Variants in HELZ observed in about 807,000 individuals in gnomAD.
The protein encoded by HELZ is ATP-dependent RNA helicase with zinc finger domain.
A neutral mutation model predicts 218.2 loss-of-function variants in HELZ; 23 were observed. That is an observed-to-expected ratio of 0.11 (90% CI 0.08 to 0.15). HELZ has a LOEUF of 0.15. Among genes scored for constraint, HELZ ranks in the 10% least tolerant of loss-of-function variants. The pLI is 1.00. For missense variants in HELZ, 1,813 were observed against 2,353.7 expected, an observed-to-expected ratio of 0.77 and a Z score of 4.75; for synonymous variants, 814 against 829.4, an observed-to-expected ratio of 0.98 and a Z score of 0.32.
chr17:67,224,033 C>A (rs1046615725), intron 3 of HELZ, among the ~76,000 whole-genome samples: 2 of 152,194 alleles, frequency 1.3e-5, no homozygotes, highest in Non-Finnish European at 2.9e-5. Flanking sequence ...TTCGAGAATT[C>A]ACCTCTCCCC....
At chr17:67,160,509 C>G in intron 16 of HELZ, 147 bp from the exon 17 acceptor site, 1 of 586,500 alleles carries the variant, frequency 1.7e-6, no homozygotes, top group Non-Finnish European at 3.0e-6. Flanking sequence ...TTCAGTGATA[C>G]CTTTAGGAAA....
Position 67,109,334 on chromosome 17 carries a change from T to C in HELZ, c.4271A>G (p.Gln1424Arg). The C allele has an allele frequency of 6.2e-7, 1 of 1,614,148 alleles. No individual in the cohort carries two copies. ...AAAAAAAGCATTGTTGGGTCCCGCC[T>C]GATATGCAGGAGAAAGCTGAGGAGG... is the stretch of plus-strand genomic sequence containing the variant. ...QPPPQLSPAY[Q>R]AGPNNAFFNS... Residue 1424 changes from glutamine (Q) to arginine (R), a missense_variant, in exon 29 of 33, where the codon CAG becomes CGG. By Grantham distance (43) the Gln-to-Arg change is conservative (BLOSUM62 1). Coordinates refer to ENST00000358691, the MANE Select transcript of HELZ (RefSeq NM_014877.4).
intron 28 of HELZ, among the ~76,000 whole-genome samples, chr17:67,112,796 T>G (rs1225894911): frequency 1.3e-5 from 2 of 152,166 alleles, no homozygotes; most frequent in Non-Finnish European, 1.5e-5. Flanking sequence ...AAATCCCAGC[T>G]TAAGGACTAG....
intron 6 of HELZ, among the ~76,000 whole-genome samples, chr17:67,201,817 T>C (rs908050445): frequency 6.6e-6 from 1 of 152,182 alleles, no homozygotes; most frequent in Non-Finnish European, 1.5e-5. Flanking sequence ...TATTATCTAC[T>C]TAGAACTAAA....
At chr17:67,132,872 G>C (rs2038030385) in intron 23 of HELZ, among the ~76,000 whole-genome samples, 1 of 152,046 alleles carries the variant, frequency 6.6e-6, no homozygotes. Context: ...GAATATATTA[G>C]TTTTTTTGAA....
At chr17:67,089,668 T>TATATATATATAG (rs71293575) in intron 31 of HELZ, among the ~76,000 whole-genome samples, 11 of 70,630 alleles carry the variant, frequency 1.6e-4, no homozygotes, top group African/African-American at 3.6e-4. Flanking sequence ...TATATATATA[T>TATATATATATAG]AGAGAGAGAG....
intron 21 of HELZ, among the ~76,000 whole-genome samples, chr17:67,138,372 T>G (rs1411000206): frequency 6.6e-6 from 1 of 152,196 alleles, no homozygotes; most frequent in South Asian, 2.1e-4. Flanking sequence ...GACAATGCTA[T>G]TGGCCCCCAA....
intron 1 of HELZ, 199 bp downstream of exon 1, chr17:67,244,949 A>G: frequency 1.0e-6 from 1 of 985,790 alleles, no homozygotes; most frequent in Non-Finnish European, 1.2e-6. Context: ...GAAGCTGTAA[A>G]CAGCCCCAGC....
At chr17:67,140,330 G>GC (rs1190584765) in intron 21 of HELZ, among the ~76,000 whole-genome samples, 1 of 152,164 alleles carries the variant, frequency 6.6e-6, no homozygotes. Flanking sequence ...GAGACGGTGA[G>GC]CGGAAGGCTC....
Position 67,109,506 on chromosome 17 carries a change from G to C in HELZ, c.4099C>G (p.Pro1367Ala). Residue 1367 changes from proline to alanine, a missense_variant, in exon 29 of 33, where the codon CCA (proline) becomes GCA (alanine). Coordinates refer to ENST00000358691, the MANE Select transcript of HELZ (RefSeq NM_014877.4). ...TGTGGAATTGGAAAGGGTGGTCTTGGTAGCTGGGGAAGGGGATGAAAGTGG... is the reference window on the plus strand; with the variant it reads ...TGTGGAATTGGAAAGGGTGGTCTTGCTAGCTGGGGAAGGGGATGAAAGTGG... ...NRHFHPLPQL[P>A]RPPFPIPQQH... 1 of 1,614,158 alleles carries C rather than the reference G, an allele frequency of 6.2e-7. No individual in the cohort carries two copies. Among genetic ancestry groups the C allele is most frequent in the Non-Finnish European group, 8.5e-7 (1 of 1,180,030 alleles).
intron 18 of HELZ, 156 bp from the exon 19 acceptor site, chr17:67,150,141 T>TC (rs2038636460): frequency 1.5e-5 from 7 of 475,652 alleles, no homozygotes; most frequent in African/African-American, 1.1e-4. Flanking sequence ...TTTTTTTTTT[T>TC]TTTTTTTTTT....
intron 15 of HELZ, 23 bp from the exon 16 acceptor site, chr17:67,161,099 T>A: frequency 6.5e-7 from 1 of 1,549,746 alleles, no homozygotes; most frequent in Non-Finnish European, 8.8e-7. Context: ...AAAATTTATG[T>A]TAAACACATG....
At chr17:67,114,298 G>A in intron 28 of HELZ, 26 bp downstream of exon 28, 1 of 1,478,378 alleles carries the variant, frequency 6.8e-7, no homozygotes, top group Non-Finnish European at 9.5e-7. Context: ...AATCCACTAG[G>A]ACAACACAGT....
At chr17:67,146,062 G>T (rs2038487332) in intron 20 of HELZ, among the ~76,000 whole-genome samples, 172 bp from the exon 21 acceptor site, 1 of 152,120 alleles carries the variant, frequency 6.6e-6, no homozygotes, top group Non-Finnish European at 1.5e-5. Flanking sequence ...AATAACAAGA[G>T]TAGGGTCCTG....
intron 1 of HELZ, chr17:67,244,685 C>T: frequency 7.1e-6 from 7 of 982,908 alleles, no homozygotes; most frequent in Non-Finnish European, 8.5e-6. Context: ...CGCTCCAGCC[C>T]CCACCCCACC....
intron 23 of HELZ, among the ~76,000 whole-genome samples, chr17:67,132,218 C>CTGTGTGTGTGTGTGTGTGTGTGTG (rs57691319): frequency 4.2e-4 from 62 of 147,972 alleles, no homozygotes; most frequent in South Asian, 1.7e-3. Flanking sequence ...CCTTAGGTCA[C>CTGTGTGTGTGTGTGTGTGTGTGTG]TGTGTGTGTG....
intron 3 of HELZ, chr17:67,224,899 A>G: frequency 1.3e-6 from 1 of 752,814 alleles, no homozygotes. Context: ...CTTCCGGAAG[A>G]AGGCTAAAAC....
At chr17:67,122,059 T>C (rs2037626223) in intron 26 of HELZ, among the ~76,000 whole-genome samples, 1 of 152,202 alleles carries the variant, frequency 6.6e-6, no homozygotes, top group Non-Finnish European at 1.5e-5. Flanking sequence ...ACAAATTAAA[T>C]TTTAAAGATT....
rs755582979 is a variant in HELZ, at chr17:67,077,344, G to C, written c.*908C>G. On this transcript the variant is annotated 3_prime_UTR_variant, in exon 33 of 33. Transcript: ENST00000358691. The stretch of plus-strand genomic sequence containing the variant: ...AGCGGCACAATTCTTTATACCACTG[G>C]AGAAGAGGGAAGCCAGGTTACAAAC... The C allele has an allele frequency of 1.4e-4, 22 of 152,414 alleles. No individual in the cohort carries two copies. Among genetic ancestry groups the C allele is most frequent in the Admixed American group, 2.6e-4 (4 of 15,266 alleles). 9.4% of individuals were successfully genotyped at this position (152,414 alleles called of 1,614,324 possible). A position where few individuals can be genotyped will look rare whatever the true frequency, so the allele number is the denominator to read the frequency against.
Sources: gnomAD v4.1 joint callset for allele counts (sites outside exome capture counted in the v4.1 genomes callset) on GRCh38, gnomAD v4.1.1 for gene constraint, MANE v1.5 for transcripts, NCBI Gene and HGNC (gene_info 2026-07-23, HGNC 2026-07-21) for gene names.